Variants in PUM1 observed in about 807,000 individuals in gnomAD.
PUM1 encodes pumilio homolog 1.
In PUM1, 13 loss-of-function variants were observed where a neutral mutation model predicts 131.8. The ratio of observed to expected loss-of-function variants is 0.10; its 90% confidence interval spans 0.06 to 0.16. PUM1 has a LOEUF of 0.16. Ranked by LOEUF, PUM1 falls within the 10% of genes least tolerant of loss-of-function variation. The pLI is 1.00. For synonymous variants in PUM1, 509 were observed against 556.5 expected, an observed-to-expected ratio of 0.91 and a Z score of 1.20; for missense variants, 961 against 1,512.4, an observed-to-expected ratio of 0.64 and a Z score of 6.05.
chr1:31,011,136 C>A (rs1026252709), intron 3 of PUM1, among the ~76,000 whole-genome samples: 1 of 147,684 alleles, frequency 6.8e-6, no homozygotes, highest in African/African-American at 2.5e-5. Context: ...CCTGCCTGGG[C>A]AACAGAGTGA....
At chr1:31,044,841 G>C (rs1643914462) in intron 2 of PUM1, among the ~76,000 whole-genome samples, 1 of 151,748 alleles carries the variant, frequency 6.6e-6, no homozygotes, top group South Asian at 2.1e-4. Flanking sequence ...ACAGAGTATA[G>C]CTGTGTCACC....
At chr1:31,055,339 G>A (rs564917441) in intron 2 of PUM1, 22 of 456,134 alleles carry the variant, frequency 4.8e-5, no homozygotes, top group African/African-American at 1.2e-4. Context: ...AGAACCTCTC[G>A]TCTTCCCTCA....
intron 18 of PUM1, among the ~76,000 whole-genome samples, chr1:30,942,818 C>CA (rs1272993462): frequency 2.6e-5 from 4 of 152,184 alleles, no homozygotes; most frequent in Non-Finnish European, 5.9e-5. Context: ...CAATGGTGAT[C>CA]ACAGCTCACT....
At chr1:31,022,828 T>C (rs1643079441) in intron 3 of PUM1, among the ~76,000 whole-genome samples, 1 of 151,980 alleles carries the variant, frequency 6.6e-6, no homozygotes, top group Non-Finnish European at 1.5e-5. Context: ...CCAAAAAACA[T>C]AAAGTTAAGG....
At chr1:30,982,762 C>CT (rs1557569411) in intron 7 of PUM1, among the ~76,000 whole-genome samples, 1 of 152,194 alleles carries the variant, frequency 6.6e-6, no homozygotes, top group Non-Finnish European at 1.5e-5. Flanking sequence ...TGGCTACCCT[C>CT]TACACCTCAA....
chr1:30,959,104 C>G (rs1249429290), intron 14 of PUM1, among the ~76,000 whole-genome samples: 1 of 152,070 alleles, frequency 6.6e-6, no homozygotes, highest in Non-Finnish European at 1.5e-5. Flanking sequence ...CCTATAAGAC[C>G]TATAAGATGT....
At chr1:31,053,897 C>A (rs1445873037) in intron 2 of PUM1, among the ~76,000 whole-genome samples, 1 of 151,998 alleles carries the variant, frequency 6.6e-6, no homozygotes, top group Non-Finnish European at 1.5e-5. Flanking sequence ...GAGTTCGAGA[C>A]TAGCCTGGCC....
At position 31,046,301 on chromosome 1, in the gene PUM1, G is replaced by A. The variant is rs576479831; in HGVS notation, c.363+12903C>T. ...CTCGGGAGGCTAAGGCAGGAGAATT[G>A]CTTGAACCCGGGAGGTGGAGGTTGC... On this transcript the variant is annotated intron_variant, in intron 2 of 21. Coordinates refer to ENST00000426105, the MANE Select transcript of PUM1 (RefSeq NM_001020658.2). 2.4e-4 allele frequency among the ~76,000 whole-genome samples: 37 copies of A among 151,840 alleles called. No homozygotes were observed. In the East Asian group the frequency reaches 7.0e-3, roughly 29 times the overall value.
intron 21 of PUM1, 97 bp from the exon 22 acceptor site, chr1:30,933,439 T>C (rs113408862): frequency 0.013 from 4,685 of 363,088 alleles, 8 homozygotes; most frequent in South Asian, 0.023. Flanking sequence ...CACACACACA[T>C]ACACACACAC....
At chr1:31,014,932 A>G (rs1642758111) in intron 3 of PUM1, among the ~76,000 whole-genome samples, 1 of 152,208 alleles carries the variant, frequency 6.6e-6, no homozygotes. Flanking sequence ...ATTCAAGACT[A>G]GCCTGTGCAA....
chr1:31,041,863 C>T (rs774041434), intron 2 of PUM1, among the ~76,000 whole-genome samples: 2 of 151,938 alleles, frequency 1.3e-5, no homozygotes, highest in East Asian at 3.9e-4. Flanking sequence ...GACTAACATA[C>T]TTTTTTTAAA....
chr1:31,053,665 G>T (rs563261881), intron 2 of PUM1, among the ~76,000 whole-genome samples: 1 of 151,148 alleles, frequency 6.6e-6, no homozygotes, highest in South Asian at 2.1e-4. Context: ...GTAGAGACAT[G>T]ATCTCACCAT....
intron 2 of PUM1, among the ~76,000 whole-genome samples, chr1:31,029,598 A>G (rs1466761827): frequency 6.6e-6 from 1 of 152,232 alleles, no homozygotes; most frequent in Non-Finnish European, 1.5e-5. Context: ...TAATTCAACT[A>G]GTTTACTGGT....
intron 17 of PUM1, among the ~76,000 whole-genome samples, chr1:30,947,977 C>A (rs1366985591): frequency 1.3e-5 from 2 of 151,404 alleles, no homozygotes; most frequent in African/African-American, 4.9e-5. Flanking sequence ...TGCCTTAGCA[C>A]CCCAAGCAGC....
chr1:30,962,711 C>T (rs1423380896), intron 14 of PUM1, among the ~76,000 whole-genome samples: 2 of 152,088 alleles, frequency 1.3e-5, no homozygotes, highest in Non-Finnish European at 2.9e-5. Flanking sequence ...CATGCCTGGC[C>T]CATCTATTTT....
chr1:31,000,236 A>C (rs1346016819), intron 5 of PUM1, among the ~76,000 whole-genome samples: 1 of 152,260 alleles, frequency 6.6e-6, no homozygotes, highest in African/African-American at 2.4e-5. Context: ...GTACTGGAAA[A>C]GTCTATTAGC....
At chr1:30,938,414 A>T (rs1460405737) in intron 20 of PUM1, among the ~76,000 whole-genome samples, 1 of 152,108 alleles carries the variant, frequency 6.6e-6, no homozygotes, top group Non-Finnish European at 1.5e-5. Flanking sequence ...CACCACGCCC[A>T]GCTAATTTTT....
In PUM1 at chr1:30,992,385, A is replaced by G; in HGVS notation, c.1158+5T>C. Reference sequence around the variant, plus strand: ...TAGAGAGGGTGACAGAGACACACACAGTACCTGTTGTTGAGAATTGTAGTC... The same window carrying G: ...TAGAGAGGGTGACAGAGACACACACGGTACCTGTTGTTGAGAATTGTAGTC... On this transcript the variant is annotated splice_donor_5th_base_variant and intron_variant, in intron 7 of 21. Transcript: ENST00000426105. The G allele has an allele frequency of 1.2e-6, 2 of 1,612,954 alleles. No individual in the cohort carries two copies. The highest frequency in any genetic ancestry group is 1.7e-6 in the Non-Finnish European group (2 of 1,179,458).
chr1:31,033,256 G>A (rs1643494203), intron 2 of PUM1, among the ~76,000 whole-genome samples: 2 of 151,564 alleles, frequency 1.3e-5, no homozygotes, highest in East Asian at 3.9e-4. Context: ...CCAGGCTGGA[G>A]TGCAGTGGTG....
Sources: allele counts gnomAD v4.1 joint callset (sites outside exome capture counted in the v4.1 genomes callset), GRCh38; gene constraint gnomAD v4.1.1; transcripts MANE v1.5; gene names NCBI Gene and HGNC (gene_info 2026-07-23, HGNC 2026-07-21).